MAML2: variants seen among roughly 807,000 people sequenced by gnomAD.
MAML2 encodes the protein mastermind like transcriptional coactivator 2, also known as mastermind-like protein 2.
MAML2 carries 22 observed loss-of-function variants against 96.1 expected under a neutral mutation model. That is an observed-to-expected ratio of 0.23 (90% CI 0.16 to 0.33). The LOEUF (loss-of-function observed/expected upper bound fraction) is 0.33. Ranked by LOEUF, MAML2 falls within the 10% of genes least tolerant of loss-of-function variation. The pLI is 1.00. For synonymous variants in MAML2, 561 were observed against 521.3 expected (o/e 1.08, Z -1.04); for missense variants, 1,367 against 1,392.4 (o/e 0.98, Z 0.29).
chr11:96,139,736 T>A (rs1860702480), intron 1 of MAML2, among the ~76,000 whole-genome samples: 1 of 151,976 alleles, frequency 6.6e-6, no homozygotes, highest in South Asian at 2.1e-4. Flanking sequence ...TTTTTCAGTG[T>A]TTTTCATAAA....
At chr11:96,160,496 C>T (rs974107747) in intron 1 of MAML2, among the ~76,000 whole-genome samples, 3 of 150,702 alleles carry the variant, frequency 2.0e-5, no homozygotes, top group Non-Finnish European at 4.4e-5. Flanking sequence ...GGCATGATCT[C>T]GGCTCCCTGT....
intron 1 of MAML2, among the ~76,000 whole-genome samples, chr11:96,326,576 C>G (rs974542652): frequency 6.6e-6 from 1 of 151,904 alleles, no homozygotes; most frequent in Non-Finnish European, 1.5e-5. Flanking sequence ...GCGGGTGGAT[C>G]ACGAGGTCAG....
intron 1 of MAML2, among the ~76,000 whole-genome samples, chr11:96,138,242 A>C (rs1426169624): frequency 1.3e-5 from 2 of 152,150 alleles, no homozygotes; most frequent in African/African-American, 4.8e-5. Flanking sequence ...GTCCATGCTG[A>C]TACCTGTGTT....
intron 1 of MAML2, among the ~76,000 whole-genome samples, chr11:96,098,709 G>C (rs888246468): frequency 6.6e-6 from 1 of 152,190 alleles, no homozygotes; most frequent in African/African-American, 2.4e-5. Context: ...CTGGGGAAAG[G>C]CATAGGCCTG....
chr11:96,152,406 A>AC (rs1555016707), intron 1 of MAML2, among the ~76,000 whole-genome samples: 1 of 151,946 alleles, frequency 6.6e-6, no homozygotes, highest in Non-Finnish European at 1.5e-5. Flanking sequence ...AAGATAGAAC[A>AC]CCAGTTGAAG....
intron 2 of MAML2, among the ~76,000 whole-genome samples, chr11:96,079,121 C>T (rs1251377892): frequency 1.3e-5 from 2 of 152,098 alleles, no homozygotes; most frequent in East Asian, 3.9e-4. Flanking sequence ...TCAGTTGTAA[C>T]CAGATCAGAC....
chr11:96,150,890 A>G (rs945290126), intron 1 of MAML2, among the ~76,000 whole-genome samples: 3 of 152,148 alleles, frequency 2.0e-5, no homozygotes, highest in Admixed American at 6.5e-5. Context: ...AGCGTGTTCT[A>G]CAGTCTAGCA....
intron 1 of MAML2, among the ~76,000 whole-genome samples, chr11:96,159,507 CT>C (rs1458251744): frequency 2.5e-5 from 1 of 40,096 alleles, no homozygotes. Flanking sequence ...TCACTGCGAG[CT>C]CCGGCCTCCC....
chr11:96,282,255 A>G (rs955780647), intron 1 of MAML2, among the ~76,000 whole-genome samples: 1 of 149,974 alleles, frequency 6.7e-6, no homozygotes. Context: ...TCTCAAAAAA[A>G]AAATAATAAT....
chr11:96,141,596 G>A (rs769375834), intron 1 of MAML2, among the ~76,000 whole-genome samples: 7 of 152,114 alleles, frequency 4.6e-5, no homozygotes, highest in Non-Finnish European at 7.4e-5. Context: ...AGGTAAATGA[G>A]TTTGAGGCAC....
intron 1 of MAML2, among the ~76,000 whole-genome samples, chr11:96,149,831 C>T (rs562485145): frequency 9.5e-4 from 144 of 152,160 alleles, no homozygotes; most frequent in South Asian, 1.7e-3. Context: ...CTCTCGGTCT[C>T]CTTCTCCTTC....
At position 96,013,641 on chromosome 11, in the gene MAML2, C is replaced by T. The variant is rs1204973553; in HGVS notation, c.2140-21918G>A. On this transcript the variant is annotated intron_variant, in intron 2 of 4. Coordinates refer to ENST00000524717, the MANE Select transcript of MAML2 (RefSeq NM_032427.4). ...AGCAGTAGACACAAAGGCAGCCAGA[C>T]GTCGAGAGGAGCACACTGGCAGAGG... is the stretch of plus-strand genomic sequence containing the variant. Among the ~76,000 whole-genome samples, 14 of 152,278 alleles carry T rather than the reference C, an allele frequency of 9.2e-5. No homozygotes were observed. In the South Asian group the frequency reaches 1.2e-3, roughly 14 times the overall value.
At position 96,342,990 on chromosome 11, in the gene MAML2, G is replaced by A; in HGVS notation, c.-1095C>T. ...CATTCCATCCCCGGCCAGTGGATCT[G>A]AGGGTCTGGACTCGCAATAAGCAAT... On this transcript the variant is annotated 5_prime_UTR_variant, in exon 1 of 5. Coordinates refer to ENST00000524717, the MANE Select transcript of MAML2 (RefSeq NM_032427.4). 2.6e-6 allele frequency: 1 copy of A among 389,048 alleles called. No homozygotes were observed. The highest frequency in any genetic ancestry group is 4.5e-6 in the Non-Finnish European group (1 of 220,548). 24.1% of individuals were successfully genotyped at this position (389,048 alleles called of 1,614,324 possible).
intron 2 of MAML2, among the ~76,000 whole-genome samples, chr11:96,042,723 T>C (rs1858835170): frequency 1.3e-5 from 2 of 150,012 alleles, no homozygotes; most frequent in African/African-American, 2.5e-5. Flanking sequence ...TGATGCTTGT[T>C]ACCAACCAAT....
In MAML2 at chr11:96,091,428, A is replaced by T. The variant is rs139827630; in HGVS notation, c.2139+464T>A. Among the ~76,000 whole-genome samples, 529 of 152,300 alleles carry T rather than the reference A, an allele frequency of 3.5e-3. 3 individuals are homozygous for T. Among genetic ancestry groups the T allele is most frequent in the African/African-American group, 0.012 (486 of 41,558 alleles). The stretch of plus-strand genomic sequence containing the variant: ...GGATCATTATGATCATTGGGCATTT[A>T]AATATTCCAGTTGGTTGGTGCAGGT... On this transcript the variant is annotated intron_variant, in intron 2 of 4. Coordinates refer to ENST00000524717, the MANE Select transcript of MAML2 (RefSeq NM_032427.4).
At chr11:96,231,747 A>T (rs933844068) in intron 1 of MAML2, among the ~76,000 whole-genome samples, 1 of 152,260 alleles carries the variant, frequency 6.6e-6, no homozygotes, top group Non-Finnish European at 1.5e-5. Flanking sequence ...TAAGCAGTCA[A>T]GGAAGCACTG....
At chr11:96,144,548 C>A (rs1239658915) in intron 1 of MAML2, among the ~76,000 whole-genome samples, 1 of 152,140 alleles carries the variant, frequency 6.6e-6, no homozygotes, top group East Asian at 1.9e-4. Context: ...GTGCTACCTG[C>A]CCCCTTCCCC....
chr11:96,184,256 C>T (rs1432268820), intron 1 of MAML2, among the ~76,000 whole-genome samples: 1 of 152,148 alleles, frequency 6.6e-6, no homozygotes, highest in Non-Finnish European at 1.5e-5. Flanking sequence ...GCCTGACCAT[C>T]ATGGTGAAAC....
intron 1 of MAML2, among the ~76,000 whole-genome samples, chr11:96,316,605 AAGCAAAG>A (rs1461801638): frequency 1.3e-5 from 2 of 152,156 alleles, no homozygotes; most frequent in East Asian, 3.9e-4. Flanking sequence ...TCTGTGTAGT[AAGCAAAG>A]GTGGCTTGAA....
Sources: allele counts gnomAD v4.1 joint callset (sites outside exome capture counted in the v4.1 genomes callset), GRCh38; gene constraint gnomAD v4.1.1; transcripts MANE v1.5; gene names NCBI Gene and HGNC (gene_info 2026-07-23, HGNC 2026-07-21).